Variants in RNF180 observed in about 807,000 individuals in gnomAD.
RNF180 encodes E3 ubiquitin-protein ligase RNF180.
A neutral mutation model predicts 59.2 loss-of-function variants in RNF180; 38 were observed. The observed-to-expected ratio is 0.64, with a 90% CI of 0.50 to 0.84. The LOEUF is 0.84. RNF180 is among the 40% of genes least tolerant of loss of function. The pLI is 0.00. For missense variants in RNF180, 705 were observed against 700.9 expected (o/e 1.01, Z -0.07); for synonymous variants, 262 against 240.3 (o/e 1.09, Z -0.84).
chr5:64,183,824 C>T (rs1228888242), intron 1 of RNF180, among the ~76,000 whole-genome samples: 1 of 152,160 alleles, frequency 6.6e-6, no homozygotes, highest in East Asian at 1.9e-4. Flanking sequence ...ATATGATGTC[C>T]TGAAACTCAG....
chr5:64,264,559 C>T (rs1200640831), intron 5 of RNF180, among the ~76,000 whole-genome samples: 1 of 152,098 alleles, frequency 6.6e-6, no homozygotes, highest in African/African-American at 2.4e-5. Flanking sequence ...AGAACATGAA[C>T]TGATTCTTTT....
intron 1 of RNF180, among the ~76,000 whole-genome samples, chr5:64,196,353 T>C (rs186281087): frequency 7.2e-5 from 11 of 152,300 alleles, no homozygotes; most frequent in Middle Eastern, 3.4e-3. Flanking sequence ...TCAAGTATTA[T>C]ATAATTGCTA....
rs183417835 is a variant in RNF180 at position 64,175,785 on chromosome 5, G to A, written c.-1+9832G>A. On this transcript the variant is annotated intron_variant, in intron 1 of 7. Transcript: ENST00000389100. Reference sequence around the variant, plus strand: ...TGCATCCTCTTCAATTTCTTTTATCGATATTTTATAATTTTTACAATAGAG... The same window carrying A: ...TGCATCCTCTTCAATTTCTTTTATCAATATTTTATAATTTTTACAATAGAG... 4.4e-3 allele frequency among the ~76,000 whole-genome samples: 663 copies of A among 151,942 alleles called. 5 individuals are homozygous for A. The highest frequency in any genetic ancestry group is 0.015 in the African/African-American group (629 of 41,428).
intron 5 of RNF180, among the ~76,000 whole-genome samples, chr5:64,224,373 C>A (rs1561200936): frequency 6.6e-6 from 1 of 151,940 alleles, no homozygotes; most frequent in Non-Finnish European, 1.5e-5. Flanking sequence ...CTAATATAGG[C>A]CCTGGCAGTA....
rs1363871668 is a variant in RNF180, at chr5:64,352,187, C to T, written c.1580-17428C>T. ...TCTTCTAGATTTTCTAGTTTATTTG[C>T]ATAGAGGTGTTTATAGTATTCTCTG... On this transcript the variant is annotated intron_variant, in intron 7 of 7. Coordinates refer to ENST00000389100, the MANE Select transcript of RNF180 (RefSeq NM_001113561.2). 3.3e-5 allele frequency among the ~76,000 whole-genome samples: 5 copies of T among 152,058 alleles called. No individual in the cohort carries two copies. The South Asian group carries it at 6.2e-4, about 19-fold the overall frequency.
intron 5 of RNF180, among the ~76,000 whole-genome samples, chr5:64,319,174 T>TAAA (rs67593090): frequency 7.4e-6 from 1 of 134,454 alleles, no homozygotes; most frequent in African/African-American, 2.8e-5. Context: ...AACTGTTGTT[T>TAAA]AAAAAAAAAA....
intron 6 of RNF180, among the ~76,000 whole-genome samples, chr5:64,327,865 A>T (rs1744721499): frequency 6.6e-6 from 1 of 152,206 alleles, no homozygotes. Flanking sequence ...ATGAGTTATT[A>T]AAGTCTCCAA....
intron 6 of RNF180, among the ~76,000 whole-genome samples, chr5:64,326,270 T>A (rs1464779963): frequency 6.6e-6 from 1 of 151,996 alleles, no homozygotes; most frequent in East Asian, 1.9e-4. Flanking sequence ...AAAAAAAAAA[T>A]TATACTCAAT....
chr5:64,366,081 T>TA (rs1395185579), intron 7 of RNF180, among the ~76,000 whole-genome samples: 4 of 151,530 alleles, frequency 2.6e-5, no homozygotes, highest in Admixed American at 6.6e-5. Flanking sequence ...TCTGTGAACT[T>TA]AGAGTTTTTG....
At chr5:64,355,228 A>G (rs925067296) in intron 7 of RNF180, among the ~76,000 whole-genome samples, 3 of 151,968 alleles carry the variant, frequency 2.0e-5, no homozygotes, top group Non-Finnish European at 4.4e-5. Flanking sequence ...GCAACATGGC[A>G]GGTTATACGA....
intron 5 of RNF180, among the ~76,000 whole-genome samples, chr5:64,306,567 A>C (rs1364725702): frequency 6.6e-6 from 1 of 151,762 alleles, no homozygotes; most frequent in Non-Finnish European, 1.5e-5. Flanking sequence ...AAGACTTGGA[A>C]CCAACCCAAA....
At position 64,204,051 on chromosome 5, in the gene RNF180, A is replaced by G. The variant is rs539374741; in HGVS notation, c.135+3109A>G. The stretch of plus-strand genomic sequence containing the variant: ...CCATATATATAATAAGTGTTTATGA[A>G]CTTTCTGTAAATGAAATTACACTGT... On this transcript the variant is annotated intron_variant, in intron 2 of 7. Coordinates refer to ENST00000389100, the MANE Select transcript of RNF180 (RefSeq NM_001113561.2). 9.9e-5 allele frequency among the ~76,000 whole-genome samples: 15 copies of G among 152,240 alleles called. 2 individuals are homozygous for G. The highest frequency in any genetic ancestry group is 3.6e-4 in the African/African-American group (15 of 41,568).
intron 5 of RNF180, among the ~76,000 whole-genome samples, chr5:64,245,232 A>C (rs1248822968): frequency 6.6e-6 from 1 of 152,256 alleles, no homozygotes; most frequent in Admixed American, 6.5e-5. Context: ...ATAACCAGCT[A>C]GCATAATAAC....
At chr5:64,202,597 A>G (rs1199284845) in intron 2 of RNF180, among the ~76,000 whole-genome samples, 1 of 152,202 alleles carries the variant, frequency 6.6e-6, no homozygotes, top group Non-Finnish European at 1.5e-5. Context: ...TTTCGGTAGC[A>G]ACATATGAGA....
intron 6 of RNF180, among the ~76,000 whole-genome samples, chr5:64,327,085 G>C (rs956350109): frequency 2.6e-5 from 4 of 152,022 alleles, no homozygotes; most frequent in African/African-American, 9.7e-5. Flanking sequence ...AAATTTACTG[G>C]TATATATTTT....
At chr5:64,280,258 A>C (rs529849258) in intron 5 of RNF180, among the ~76,000 whole-genome samples, 10 of 152,026 alleles carry the variant, frequency 6.6e-5, no homozygotes, top group African/African-American at 2.4e-4. Flanking sequence ...CTTCCATTCT[A>C]TAGATTGTCT....
intron 5 of RNF180, among the ~76,000 whole-genome samples, chr5:64,324,536 G>T (rs1744534967): frequency 6.6e-6 from 1 of 152,198 alleles, no homozygotes; most frequent in Non-Finnish European, 1.5e-5. Context: ...TGAATGAAAT[G>T]ACATTATTCA....
At chr5:64,201,709 A>G (rs1458424519) in intron 2 of RNF180, among the ~76,000 whole-genome samples, 1 of 152,224 alleles carries the variant, frequency 6.6e-6, no homozygotes, top group Non-Finnish European at 1.5e-5. Context: ...AACTGATAAT[A>G]GTAGATAACT....
rs192518428 is a variant in RNF180 at position 64,292,401 on chromosome 5, G to A, written c.1228-32785G>A. Among the ~76,000 whole-genome samples the A allele has an allele frequency of 2.0e-4, 30 of 152,244 alleles. No individual in the cohort carries two copies. The East Asian group carries it at 5.6e-3, about 28-fold the overall frequency. Reference sequence around the variant, plus strand: ...ATAGGGCTGCTGTGGCTTGCTGGGGGATTGCTCAGCAATCCTAGTTGCGTT... The same window carrying A: ...ATAGGGCTGCTGTGGCTTGCTGGGGAATTGCTCAGCAATCCTAGTTGCGTT... On this transcript the variant is annotated intron_variant, in intron 5 of 7. Transcript: ENST00000389100.
Sources: allele counts gnomAD v4.1 joint callset (sites outside exome capture counted in the v4.1 genomes callset), GRCh38; gene constraint gnomAD v4.1.1; transcripts MANE v1.5; gene names NCBI Gene and HGNC (gene_info 2026-07-23, HGNC 2026-07-21).